The following NTM variants were observed in gnomAD, a reference collection of about 807,000 sequenced individuals.
NTM encodes neurotrimin.
In NTM, 13 loss-of-function variants were observed where a neutral mutation model predicts 42.1. The ratio of observed to expected loss-of-function variants is 0.31; its 90% confidence interval spans 0.20 to 0.49. The LOEUF (loss-of-function observed/expected upper bound fraction) is 0.49, where lower values mean the gene tolerates loss of function less well. Among genes scored for constraint, NTM ranks in the 20% least tolerant of loss-of-function variants. NTM has a pLI of 0.99. For missense variants in NTM, 373 were observed against 452.8 expected (o/e 0.82, Z 1.60); for synonymous variants, 187 against 179.2 (o/e 1.04, Z -0.35).
chr11:132,095,405 C>T (rs575442123), intron 2 of NTM, among the ~76,000 whole-genome samples: 2 of 152,108 alleles, frequency 1.3e-5, no homozygotes, highest in African/African-American at 4.8e-5. Flanking sequence ...CAGGGACTGG[C>T]GGCTACCTCT....
At chr11:132,216,523 A>G (rs1352406693) in intron 4 of NTM, among the ~76,000 whole-genome samples, 1 of 152,192 alleles carries the variant, frequency 6.6e-6, no homozygotes, top group Non-Finnish European at 1.5e-5. Context: ...TAGGCTACCT[A>G]GATAACACGT....
rs759918801 is a variant in NTM, at chr11:132,199,731, C to T, written c.401-12291C>T. On this transcript the variant is annotated intron_variant, in intron 3 of 8. Coordinates refer to ENST00000683400, the MANE Select transcript of NTM (RefSeq NM_001352005.2). ...CTTGCCCTTTTTGATATAAAGTTCACTTGTAATTTTTTTTTTACTTGTGTT... is the reference window on the plus strand; with the variant it reads ...CTTGCCCTTTTTGATATAAAGTTCATTTGTAATTTTTTTTTTACTTGTGTT... 2.6e-5 allele frequency among the ~76,000 whole-genome samples: 4 copies of T among 151,078 alleles called. No homozygotes were observed. The South Asian group carries it at 8.3e-4, about 31-fold the overall frequency.
intron 3 of NTM, among the ~76,000 whole-genome samples, chr11:132,210,365 G>A (rs1351148868): frequency 1.3e-5 from 2 of 152,202 alleles, no homozygotes; most frequent in African/African-American, 4.8e-5. Flanking sequence ...GTATGGACAC[G>A]TTGCACACAG....
chr11:131,689,303 C>T (rs377202816), intron 1 of NTM, among the ~76,000 whole-genome samples: 1 of 152,184 alleles, frequency 6.6e-6, no homozygotes, highest in Non-Finnish European at 1.5e-5. Flanking sequence ...TGCCTCCCCA[C>T]CCAGTATTGC....
chr11:131,516,538 C>T (rs1374622387), intron 1 of NTM, among the ~76,000 whole-genome samples: 1 of 152,142 alleles, frequency 6.6e-6, no homozygotes, highest in African/African-American at 2.4e-5. Context: ...CCACCATGCC[C>T]AGCTAATTTA....
chr11:132,017,333 G>A (rs994861076), intron 2 of NTM, among the ~76,000 whole-genome samples: 2 of 151,828 alleles, frequency 1.3e-5, no homozygotes, highest in South Asian at 2.1e-4. Context: ...AAGGGTCTAC[G>A]CTCATTTTAT....
At chr11:131,679,393 C>A (rs866376668) in intron 1 of NTM, among the ~76,000 whole-genome samples, 1 of 152,096 alleles carries the variant, frequency 6.6e-6, no homozygotes, top group Non-Finnish European at 1.5e-5. Context: ...ATCGTGCCTG[C>A]CAATCCCAAT....
intron 2 of NTM, among the ~76,000 whole-genome samples, chr11:131,947,642 AT>A (rs915454201): frequency 7.2e-5 from 11 of 151,994 alleles, no homozygotes; most frequent in African/African-American, 2.4e-4. Flanking sequence ...CATGGAATTC[AT>A]TTTTTTCAAT....
intron 1 of NTM, chr11:131,660,679 A>G (rs2067905549): frequency 2.3e-6 from 1 of 431,758 alleles, no homozygotes; most frequent in Non-Finnish European, 4.6e-6. Context: ...TGAAGCGGGG[A>G]CAGAGGGTGT....
chr11:132,255,600 A>G (rs1159492273), intron 4 of NTM, among the ~76,000 whole-genome samples: 1 of 152,192 alleles, frequency 6.6e-6, no homozygotes, highest in Non-Finnish European at 1.5e-5. Flanking sequence ...GGGGGTGCGG[A>G]GTGGGTGGTG....
intron 2 of NTM, among the ~76,000 whole-genome samples, chr11:132,035,701 G>A (rs1316668152): frequency 3.9e-5 from 6 of 152,008 alleles, no homozygotes; most frequent in Admixed American, 3.9e-4. Flanking sequence ...TAATGTTCCT[G>A]TGTGCGTGAG....
chr11:132,332,742 G>A (rs1450048843), intron 8 of NTM: 1 of 152,244 alleles, frequency 6.6e-6, no homozygotes, highest in East Asian at 1.9e-4. Context: ...CTGGAAACAA[G>A]GTTTCAGCAT....
intron 1 of NTM, among the ~76,000 whole-genome samples, chr11:131,646,370 C>T (rs1286602584): frequency 6.6e-6 from 1 of 152,136 alleles, no homozygotes; most frequent in African/African-American, 2.4e-5. Flanking sequence ...TGGATCCTTT[C>T]TTCTAAACTC....
intron 4 of NTM, among the ~76,000 whole-genome samples, chr11:132,238,578 C>T (rs3099793): frequency 0.012 from 1,756 of 152,024 alleles, 15 homozygotes; most frequent in Non-Finnish European, 0.02. Flanking sequence ...GGTTGTCTTT[C>T]GGTATGAGAG....
At chr11:132,288,898 G>A (rs2094352826) in intron 4 of NTM, among the ~76,000 whole-genome samples, 1 of 152,164 alleles carries the variant, frequency 6.6e-6, no homozygotes, top group South Asian at 2.1e-4. Context: ...TGGGATTATA[G>A]GAGTGAGCCA....
At position 131,453,623 on chromosome 11, in the gene NTM, A is replaced by G. The variant is rs56987654; in HGVS notation, c.82+82735A>G. On this transcript the variant is annotated intron_variant, in intron 1 of 8. Coordinates refer to ENST00000683400, the MANE Select transcript of NTM (RefSeq NM_001352005.2). ...AGCAAGTCCACAAGGAGCCTTCTGG[A>G]ATACCCACCTTCCTGGTGTATTGGT... Among the ~76,000 whole-genome samples the G allele has an allele frequency of 5.3e-5, 8 of 152,348 alleles. No individual in the cohort carries two copies. In the South Asian group the frequency reaches 8.3e-4, roughly 16 times the overall value.
chr11:131,855,325 G>T (rs2045984825), intron 1 of NTM, among the ~76,000 whole-genome samples: 2 of 152,138 alleles, frequency 1.3e-5, no homozygotes, highest in Non-Finnish European at 2.9e-5. Flanking sequence ...TGTCCATAAT[G>T]TTTTGATATT....
intron 1 of NTM, among the ~76,000 whole-genome samples, chr11:131,562,492 G>T (rs193144110): frequency 4.3e-4 from 65 of 152,172 alleles, no homozygotes; most frequent in East Asian, 3.9e-3. Flanking sequence ...AGAGTTCCTG[G>T]GTTCCACTGC....
chr11:131,799,778 C>T (rs2091947573), intron 1 of NTM, among the ~76,000 whole-genome samples: 2 of 152,186 alleles, frequency 1.3e-5, no homozygotes, highest in African/African-American at 2.4e-5. Flanking sequence ...ATCAGTATGT[C>T]TGACTTGGTG....
Sources: gnomAD v4.1 joint callset for allele counts (sites outside exome capture counted in the v4.1 genomes callset) on GRCh38, gnomAD v4.1.1 for gene constraint, MANE v1.5 for transcripts, NCBI Gene and HGNC (gene_info 2026-07-23, HGNC 2026-07-21) for gene names.